Variants in GAL3ST2 observed in about 807,000 individuals in gnomAD.
The protein encoded by GAL3ST2 is galactose-3-O-sulfotransferase 2.
GAL3ST2 carries 16 observed loss-of-function variants against 12.9 expected under a neutral mutation model. That is an observed-to-expected ratio of 1.24 (90% CI 0.84 to 1.88). The LOEUF (loss-of-function observed/expected upper bound fraction) is 1.88. GAL3ST2 is among the 40% of genes most tolerant of loss of function. GAL3ST2 has a pLI of 0.00. For missense variants in GAL3ST2, 639 were observed against 571.8 expected (o/e 1.12, Z -1.20); for synonymous variants, 302 against 273.9 (o/e 1.10, Z -1.01).
At chr2:241,783,854 T>G (rs978235990) in intron 1 of GAL3ST2, among the ~76,000 whole-genome samples, 2 of 152,292 alleles carry the variant, frequency 1.3e-5, no homozygotes, top group African/African-American at 2.4e-5. Flanking sequence ...GAACTAACTT[T>G]GGGAGGAACG....
rs1381936218 is a variant in GAL3ST2 at position 241,800,394 on chromosome 2, C to T, written c.119+1240C>T. On this transcript the variant is annotated intron_variant, in intron 2 of 3. Transcript: ENST00000192314. This position sits in a 1 kb window ranked among gnomAD's most constrained non-coding sequence, Gnocchi z 5.2. ...GGGTGGGACAGGGGCTTACGCTGAA[C>T]GGCTTGGCCAAGTACACGTTCAGCA... Among the ~76,000 whole-genome samples the T allele has an allele frequency of 2.6e-5, 4 of 151,906 alleles. No homozygotes were observed. Among genetic ancestry groups the T allele is most frequent in the South Asian group, 2.1e-4 (1 of 4,822 alleles).
At chr2:241,791,230 C>T (rs139945001) in intron 1 of GAL3ST2, among the ~76,000 whole-genome samples, 12 of 152,148 alleles carry the variant, frequency 7.9e-5, no homozygotes, top group East Asian at 3.9e-4. Flanking sequence ...CTCTTTTTGT[C>T]GACACTCTCT....
chr2:241,779,591 G>A (rs1387025818), intron 1 of GAL3ST2, among the ~76,000 whole-genome samples: 2 of 151,796 alleles, frequency 1.3e-5, no homozygotes, highest in Non-Finnish European at 2.9e-5. Flanking sequence ...GACAAAATAG[G>A]AGAAGGAAGG....
Position 241,804,217 on chromosome 2 carries a change from G to T in GAL3ST2, c.*51G>T. 1 of 1,338,450 alleles carries T rather than the reference G, an allele frequency of 7.5e-7. No individual in the cohort carries two copies. The allele number at this position is 1,338,450 out of a possible 1,614,324, so 82.9% of individuals were successfully genotyped here. On this transcript the variant is annotated 3_prime_UTR_variant, in exon 4 of 4. Transcript: ENST00000192314. ...CCTGCGGACACCAGCTCCTCTCTCC[G>T]CCGTCACCGGGGAGGCCGGGGATCC...
In GAL3ST2 at chr2:241,803,733, C is replaced by T. The variant is rs760080900; in HGVS notation, c.764C>T (p.Ser255Phe). ...LDDVVAFRLN[S>F]RSARSVARLS... ...GACGTGGTGGCCTTCAGGCTCAACTCCCGCAGCGCGCGCTCCGTGGCCCGC... is the reference window on the plus strand; with the variant it reads ...GACGTGGTGGCCTTCAGGCTCAACTTCCGCAGCGCGCGCTCCGTGGCCCGC... The change falls in exon 4 of 4, where the codon TCC (serine) becomes TTC (phenylalanine). Residue 255 changes from serine (S) to phenylalanine (F), a missense_variant. Physicochemically the swap from Ser to Phe is radical, Grantham distance 155. Transcript: ENST00000192314. 2.0e-6 allele frequency: 3 copies of T among 1,530,692 alleles called. No homozygotes were observed. The highest frequency in any genetic ancestry group is 1.8e-6 in the Non-Finnish European group (2 of 1,141,024). 94.8% of individuals were successfully genotyped at this position (1,530,692 alleles called of 1,614,324 possible).
intron 1 of GAL3ST2, among the ~76,000 whole-genome samples, chr2:241,791,926 G>A (rs528299991): frequency 6.6e-6 from 1 of 151,192 alleles, no homozygotes; most frequent in East Asian, 1.9e-4. Context: ...ATTTTCCTTG[G>A]CTACAAGTCT....
chr2:241,802,076 G>C lies in GAL3ST2; in HGVS notation c.375+40G>C. ...CTGGGGAGGAGGGCGGGCTGCAGCC[G>C]TGCCTGTGGCTGTGGGTCTGGGTGG... On this transcript the variant is annotated intron_variant, in intron 3 of 3. Coordinates refer to ENST00000192314, the MANE Select transcript of GAL3ST2 (RefSeq NM_022134.3). This position sits in a 1 kb window ranked among gnomAD's most constrained non-coding sequence, Gnocchi z 4.8. The C allele has an allele frequency of 6.4e-7, 1 of 1,567,874 alleles. No homozygotes were observed. The highest frequency in any genetic ancestry group is 8.6e-7 in the Non-Finnish European group (1 of 1,156,412).
At position 241,803,475 on chromosome 2, in the gene GAL3ST2, C is replaced by G. The variant is rs763705984; in HGVS notation, c.506C>G (p.Ala169Gly). The stretch of plus-strand genomic sequence containing the variant: ...TTCCGGGGCGCCCCGAGCCTGGACG[C>G]GTTCCTGGCCTCGCCGCGGACGTTC... ...PAFRGAPSLDAFLASPRTFYN... is the reference protein window; with the variant it reads ...PAFRGAPSLDGFLASPRTFYN... The change falls in exon 4 of 4, where the codon GCG becomes GGG. Residue 169 changes from alanine to glycine, a missense_variant. Transcript: ENST00000192314. 1 of 1,611,608 alleles carries G rather than the reference C, an allele frequency of 6.2e-7. No homozygotes were observed. Among genetic ancestry groups the G allele is most frequent in the South Asian group, 1.1e-5 (1 of 90,784 alleles).
In GAL3ST2 at chr2:241,793,511, T is replaced by C. The variant is rs947693631; in HGVS notation, c.30-5554T>C. ...TGTACATATTGTGTATGTGTGTGTA[T>C]ATGTATGTGTGTATTGTGTTTATAT... is the stretch of plus-strand genomic sequence containing the variant. On this transcript the variant is annotated intron_variant, in intron 1 of 3. Coordinates refer to ENST00000192314, the MANE Select transcript of GAL3ST2 (RefSeq NM_022134.3). The surrounding 1 kb of genome is among the most constrained non-coding windows in gnomAD (Gnocchi z 4.7). Among the ~76,000 whole-genome samples, 2 of 150,460 alleles carry C rather than the reference T, an allele frequency of 1.3e-5. No individual in the cohort carries two copies. Among genetic ancestry groups the C allele is most frequent in the Non-Finnish European group, 2.9e-5 (2 of 67,914 alleles).
intron 1 of GAL3ST2, among the ~76,000 whole-genome samples, chr2:241,781,120 A>G (rs577954250): frequency 1.3e-5 from 2 of 152,382 alleles, no homozygotes; most frequent in African/African-American, 4.8e-5. Flanking sequence ...TGGATAAATC[A>G]GGTAGAGAGA....
At position 241,787,053 on chromosome 2, in the gene GAL3ST2, G is replaced by A. The variant is rs146005431; in HGVS notation, c.29+10069G>A. Reference sequence around the variant, plus strand: ...AGGGTAATCAGAAACTCAAAAGAATGCAACTGTTTGTCTCTTATCTACCTA... The same window carrying A: ...AGGGTAATCAGAAACTCAAAAGAATACAACTGTTTGTCTCTTATCTACCTA... On this transcript the variant is annotated intron_variant, in intron 1 of 3. Transcript: ENST00000192314. 6.1e-3 allele frequency among the ~76,000 whole-genome samples: 936 copies of A among 152,244 alleles called. 8 individuals are homozygous for A. Among genetic ancestry groups the A allele is most frequent in the African/African-American group, 0.021 (883 of 41,544 alleles).
In GAL3ST2 at chr2:241,802,044, G is replaced by T. The variant is rs766086949; in HGVS notation, c.375+8G>T. 1 of 1,602,836 alleles carries T rather than the reference G, an allele frequency of 6.2e-7. No homozygotes were observed. The highest frequency in any genetic ancestry group is 8.5e-7 in the Non-Finnish European group (1 of 1,174,994). On this transcript the variant is annotated splice_region_variant and intron_variant, in intron 3 of 3. Transcript: ENST00000192314. This position sits in a 1 kb window ranked among gnomAD's most constrained non-coding sequence, Gnocchi z 4.8. ...AGGTTCAACCTGCCTCAGGTACCGC[G>T]GGCCTGCTGGGGAGGAGGGCGGGCT...
chr2:241,802,552 C>G lies in GAL3ST2; in HGVS notation c.375+516C>G, dbSNP rs960243887. Among the ~76,000 whole-genome samples the G allele has an allele frequency of 6.9e-6, 1 of 145,418 alleles. No individual in the cohort carries two copies. Among genetic ancestry groups the G allele is most frequent in the African/African-American group, 2.5e-5 (1 of 39,770 alleles). The stretch of plus-strand genomic sequence containing the variant: ...GGCCAGCAGAGGCTAGGTGACCAGG[C>G]GGGGCCAGAGGGAGGCCGGGTGGGG... On this transcript the variant is annotated intron_variant, in intron 3 of 3. Transcript: ENST00000192314. The surrounding 1 kb of genome is among the most constrained non-coding windows in gnomAD (Gnocchi z 4.8).
chr2:241,777,226 G>A (rs1293565175), intron 1 of GAL3ST2, among the ~76,000 whole-genome samples: 1 of 152,212 alleles, frequency 6.6e-6, no homozygotes, highest in African/African-American at 2.4e-5. Context: ...GGGGCCCAGT[G>A]AGAAAGCTGC....
At chr2:241,777,025 T>G (rs776590254) in intron 1 of GAL3ST2, 41 bp downstream of exon 1, 2 of 1,450,642 alleles carry the variant, frequency 1.4e-6, no homozygotes, top group Non-Finnish European at 1.8e-6. Context: ...ACAAAGCGCT[T>G]CATCTGTGGC....
At chr2:241,779,185 G>A (rs544845717) in intron 1 of GAL3ST2, among the ~76,000 whole-genome samples, 2 of 146,890 alleles carry the variant, frequency 1.4e-5, no homozygotes, top group East Asian at 2.0e-4. Context: ...ATTTCTAGAC[G>A]GGCAGGTCCT....
At chr2:241,785,910 C>G (rs977619723) in intron 1 of GAL3ST2, among the ~76,000 whole-genome samples, 3 of 152,098 alleles carry the variant, frequency 2.0e-5, no homozygotes, top group African/African-American at 7.2e-5. Flanking sequence ...ATTAAGCTGA[C>G]TTTAACAGTT....
At chr2:241,794,484 G>A (rs1307524880) in intron 1 of GAL3ST2, among the ~76,000 whole-genome samples, 1 of 152,194 alleles carries the variant, frequency 6.6e-6, no homozygotes, top group African/African-American at 2.4e-5. Context: ...ACTTGCTGGG[G>A]CCATTTGTCT....
chr2:241,802,455 AG>A lies in GAL3ST2; in HGVS notation c.375+422del, dbSNP rs1290592557. ...ACCTTCCTTACAAAGGAAGCAGGGC[AG>A]GGAGTGTGGGTGGGAGGGCTGTGGG... is the stretch of plus-strand genomic sequence containing the variant. On this transcript the variant is annotated intron_variant, in intron 3 of 3. Transcript: ENST00000192314. This position sits in a 1 kb window ranked among gnomAD's most constrained non-coding sequence, Gnocchi z 4.8. Among the ~76,000 whole-genome samples, 1 of 151,990 alleles carries A rather than the reference AG, an allele frequency of 6.6e-6. No homozygotes were observed. The highest frequency in any genetic ancestry group is 1.5e-5 in the Non-Finnish European group (1 of 67,960).
Sources: gnomAD v4.1 joint callset for allele counts (sites outside exome capture counted in the v4.1 genomes callset) on GRCh38, gnomAD v4.1.1 for gene constraint, Gnocchi (gnomAD v3.1) non-coding constraint, MANE v1.5 for transcripts, NCBI Gene and HGNC (gene_info 2026-07-23, HGNC 2026-07-21) for gene names.